Variants in LRBA observed in about 807,000 individuals in gnomAD.
LRBA encodes lipopolysaccharide-responsive and beige-like anchor protein.
A neutral mutation model predicts 330.0 loss-of-function variants in LRBA; 176 were observed. That is an observed-to-expected ratio of 0.53 (90% CI 0.47 to 0.60). The LOEUF (loss-of-function observed/expected upper bound fraction) is 0.60, where lower values mean the gene tolerates loss of function less well. LRBA is among the 20% of genes least tolerant of loss of function. The pLI, the probability that LRBA is intolerant of heterozygous loss-of-function variation, is 0.00. For synonymous variants in LRBA, 1,230 were observed against 1,193.0 expected (o/e 1.03, Z -0.64); for missense variants, 3,259 against 3,444.8 (o/e 0.95, Z 1.35).
intron 37 of LRBA, among the ~76,000 whole-genome samples, chr4:150,655,395 C>G (rs1485201880): frequency 2.0e-5 from 3 of 152,086 alleles, no homozygotes; most frequent in Non-Finnish European, 4.4e-5. Flanking sequence ...CCTTTTTAGA[C>G]TTTTGCTATT....
intron 47 of LRBA, among the ~76,000 whole-genome samples, chr4:150,408,174 G>A (rs916367405): frequency 2.7e-5 from 4 of 150,570 alleles, no homozygotes; most frequent in African/African-American, 4.9e-5. Flanking sequence ...CAGAAAAAAA[G>A]ATAACACCAA....
chr4:150,275,885 C>G (rs761023388), intron 56 of LRBA, among the ~76,000 whole-genome samples: 6 of 152,110 alleles, frequency 3.9e-5, no homozygotes, highest in Admixed American at 2.0e-4. Flanking sequence ...TCAATGCTAT[C>G]CCCATCAAGC....
chr4:150,395,997 C>T (rs1214050783), intron 47 of LRBA, among the ~76,000 whole-genome samples: 1 of 152,134 alleles, frequency 6.6e-6, no homozygotes, highest in Admixed American at 6.6e-5. Flanking sequence ...TTTGTGTCAA[C>T]TTGAGTGGGC....
chr4:150,624,292 C>A (rs1776613324), intron 37 of LRBA, among the ~76,000 whole-genome samples: 1 of 126,882 alleles, frequency 7.9e-6, no homozygotes, highest in African/African-American at 3.0e-5. Context: ...ATAACAATGC[C>A]AAACCCTACC....
At chr4:150,721,462 TG>T in intron 36 of LRBA, 1 of 284,962 alleles carries the variant, frequency 3.5e-6, no homozygotes, top group Middle Eastern at 1.4e-3. Context: ...GAAGTTTTTG[TG>T]ATCATTGACA....
chr4:150,367,085 G>A (rs571740651), intron 47 of LRBA, among the ~76,000 whole-genome samples: 7 of 152,112 alleles, frequency 4.6e-5, no homozygotes, highest in South Asian at 2.1e-4. Flanking sequence ...TCCAAATAAC[G>A]TCATCAAATA....
Position 150,806,299 on chromosome 4 carries a change from A to G in LRBA, c.5490T>C (p.His1830=), listed in dbSNP as rs754366145. 1.9e-6 allele frequency: 3 copies of G among 1,606,736 alleles called. No homozygotes were observed. Among genetic ancestry groups the G allele is most frequent in the African/African-American group, 2.7e-5 (2 of 74,368 alleles). The change falls in exon 33 of 57, where the codon CAT becomes CAC. Residue 1830 remains histidine (H), a synonymous_variant. Coordinates refer to ENST00000651943, the MANE Select transcript of LRBA (RefSeq NM_001364905.1). ...PFLSRTLLGS[H]GQELLIEGTS... ...TTCCTTCTATAAGCAGTTCTTGTCC[A>G]TGGCTACCCAAAAGTGTCCGAGAAA...
chr4:150,697,785 C>T (rs1784774914), intron 36 of LRBA, among the ~76,000 whole-genome samples: 1 of 151,636 alleles, frequency 6.6e-6, no homozygotes, highest in Admixed American at 6.6e-5. Flanking sequence ...GTTATAAATA[C>T]TGTTTCTCAA....
rs552830592 is a variant in LRBA at position 150,346,566 on chromosome 4, C to G, written c.7362+3426G>C. ...CATGAGGTCAGGAGTTCGAGACCAGCCTGGCTAATATGGTAAAACCCGTCT... is the reference window on the plus strand; with the variant it reads ...CATGAGGTCAGGAGTTCGAGACCAGGCTGGCTAATATGGTAAAACCCGTCT... On this transcript the variant is annotated intron_variant, in intron 48 of 56. Transcript: ENST00000651943. 4.6e-5 allele frequency among the ~76,000 whole-genome samples: 7 copies of G among 151,770 alleles called. No homozygotes were observed. In the South Asian group the frequency reaches 1.5e-3, roughly 32 times the overall value.
At chr4:150,777,506 G>C (rs991752573) in intron 34 of LRBA, among the ~76,000 whole-genome samples, 1 of 152,122 alleles carries the variant, frequency 6.6e-6, no homozygotes. Context: ...TTAAGATGTA[G>C]TTATCTATGC....
At chr4:150,484,697 G>T (rs748488802) in intron 42 of LRBA, among the ~76,000 whole-genome samples, 1 of 150,658 alleles carries the variant, frequency 6.6e-6, no homozygotes, top group Non-Finnish European at 1.5e-5. Flanking sequence ...ACATTCTTCA[G>T]ATTGAAGCTA....
chr4:150,720,778 T>C (rs966875619), intron 36 of LRBA, among the ~76,000 whole-genome samples: 1 of 152,168 alleles, frequency 6.6e-6, no homozygotes, highest in Admixed American at 6.5e-5. Flanking sequence ...TAATGTTCAA[T>C]ACTGAACCAT....
intron 45 of LRBA, 82 bp downstream of exon 45, chr4:150,436,642 A>C: frequency 1.7e-6 from 2 of 1,159,204 alleles, no homozygotes; most frequent in Non-Finnish European, 2.4e-6. Flanking sequence ...TCAAAAAAAT[A>C]TGCTTATGAG....
chr4:150,871,362 A>T lies in LRBA; in HGVS notation c.2350T>A (p.Tyr784Asn), dbSNP rs746397423. ...LQTNLITMTT[Y>N]NVLFEILIEQ... is the part of the protein sequence containing the mutation. ...ATTCCTACCTCAAACAGCACATTAT[A>T]TGTGGTCATTGTGATTAAATTTGTC... The change falls in exon 19 of 57, where the codon TAT becomes AAT. Residue 784 changes from tyrosine to asparagine, a missense_variant. Physicochemically the swap from Tyr to Asn is moderately radical, Grantham distance 143. Coordinates refer to ENST00000651943, the MANE Select transcript of LRBA (RefSeq NM_001364905.1). The T allele has an allele frequency of 1.9e-6, 3 of 1,605,634 alleles. No homozygotes were observed. The Admixed American group carries it at 5.0e-5, about 27-fold the overall frequency.
At chr4:150,354,284 T>G (rs947909549) in intron 47 of LRBA, among the ~76,000 whole-genome samples, 7 of 152,164 alleles carry the variant, frequency 4.6e-5, no homozygotes, top group Admixed American at 4.6e-4. Flanking sequence ...TAGATCTACA[T>G]TTTTAGTTAC....
intron 22 of LRBA, among the ~76,000 whole-genome samples, chr4:150,865,400 A>G (rs570211092): frequency 1.3e-5 from 2 of 152,336 alleles, no homozygotes; most frequent in East Asian, 1.9e-4. Flanking sequence ...CATATACAAT[A>G]TATAAAGGAA....
chr4:150,479,962 A>C (rs1358543648), intron 42 of LRBA, among the ~76,000 whole-genome samples: 1 of 152,226 alleles, frequency 6.6e-6, no homozygotes, highest in Non-Finnish European at 1.5e-5. Flanking sequence ...TTGCATTTGT[A>C]ATAGGATACT....
At position 150,897,667 on chromosome 4, in the gene LRBA, C is replaced by G. The variant is rs191122816; in HGVS notation, c.2004+72G>C. The G allele has an allele frequency of 6.5e-5, 69 of 1,069,188 alleles. No homozygotes were observed. The East Asian group carries it at 1.6e-3, about 25-fold the overall frequency. The allele number at this position is 1,069,188 out of a possible 1,614,324, so 66.2% of individuals were successfully genotyped here. On this transcript the variant is annotated intron_variant, in intron 15 of 56. Transcript: ENST00000651943. ...GTAACCAAGCAAAGAATAAAAAAAC[C>G]AAGATTGTATTTCATGTGAAATTAT...
At chr4:150,974,770 C>G (rs1739964860) in intron 2 of LRBA, among the ~76,000 whole-genome samples, 1 of 152,064 alleles carries the variant, frequency 6.6e-6, no homozygotes, top group Non-Finnish European at 1.5e-5. Context: ...AAGACTCATC[C>G]CTGTGCAAAG....
Sources: gnomAD v4.1 joint callset for allele counts (sites outside exome capture counted in the v4.1 genomes callset) on GRCh38, gnomAD v4.1.1 for gene constraint, MANE v1.5 for transcripts, NCBI Gene and HGNC (gene_info 2026-07-23, HGNC 2026-07-21) for gene names.